ZCCHC4: variants seen among roughly 807,000 people sequenced by gnomAD.
ZCCHC4 encodes the protein zinc finger CCHC-type containing 4.
A neutral mutation model predicts 67.7 loss-of-function variants in ZCCHC4; 54 were observed. The ratio of observed to expected loss-of-function variants is 0.80; its 90% CI spans 0.64 to 1.00. The LOEUF (loss-of-function observed/expected upper bound fraction) is 1.00. Among genes scored for constraint, ZCCHC4 ranks in the 50% least tolerant of loss-of-function variants. ZCCHC4 has a pLI of 0.00. For synonymous variants in ZCCHC4, 198 were observed against 213.5 expected, an observed-to-expected ratio of 0.93 and a Z score of 0.63; for missense variants, 609 against 617.0, an observed-to-expected ratio of 0.99 and a Z score of 0.14.
intron 5 of ZCCHC4, among the ~76,000 whole-genome samples, chr4:25,335,997 G>A (rs747104392): frequency 2.6e-5 from 4 of 152,108 alleles, no homozygotes; most frequent in African/African-American, 9.7e-5. Context: ...ACTTCTTAAA[G>A]ATAAACTCGA....
chr4:25,333,816 C>A, intron 4 of ZCCHC4, 92 bp from the exon 5 acceptor site: 2 of 897,530 alleles, frequency 2.2e-6, no homozygotes, highest in Admixed American at 3.3e-5. Flanking sequence ...ATCATAAATA[C>A]CAGAAGAACA....
At chr4:25,357,057 A>G (rs1720548141) in intron 8 of ZCCHC4, among the ~76,000 whole-genome samples, 1 of 152,184 alleles carries the variant, frequency 6.6e-6, no homozygotes, top group Admixed American at 6.6e-5. Flanking sequence ...TAATAGCTCT[A>G]ATCGTTAGAA....
At chr4:25,366,263 C>A in intron 12 of ZCCHC4, 1 of 884,210 alleles carries the variant, frequency 1.1e-6, no homozygotes. Context: ...CTGAGTAATC[C>A]AGGATAAAGT....
At chr4:25,366,575 C>T (rs959651385) in intron 12 of ZCCHC4, among the ~76,000 whole-genome samples, 5 of 152,114 alleles carry the variant, frequency 3.3e-5, no homozygotes, top group African/African-American at 1.2e-4. Context: ...CTTGGCCTCC[C>T]CAAGTGCTGG....
chr4:25,343,216 TTAGGTTACGGTA>T (rs1183102232), intron 5 of ZCCHC4, among the ~76,000 whole-genome samples: 1 of 152,188 alleles, frequency 6.6e-6, no homozygotes, highest in Non-Finnish European at 1.5e-5. Context: ...GGAAAGTTCA[TTAGGTTACGGTA>T]TATAGTTTAA....
chr4:25,344,942 G>A (rs563374038), intron 5 of ZCCHC4, among the ~76,000 whole-genome samples: 115 of 151,852 alleles, frequency 7.6e-4, no homozygotes, highest in Non-Finnish European at 1.4e-3. Context: ...AGCTGGGACC[G>A]TAGGCATGCA....
intron 3 of ZCCHC4, among the ~76,000 whole-genome samples, chr4:25,324,826 G>A (rs972503516): frequency 5.9e-5 from 9 of 152,070 alleles, no homozygotes; most frequent in African/African-American, 1.7e-4. Flanking sequence ...GACTGTTTTT[G>A]TATTATCTTT....
chr4:25,339,793 C>T (rs897050833), intron 5 of ZCCHC4, among the ~76,000 whole-genome samples: 1 of 151,992 alleles, frequency 6.6e-6, no homozygotes, highest in South Asian at 2.1e-4. Context: ...TTGCCTAATC[C>T]AATGAGTGTC....
intron 3 of ZCCHC4, among the ~76,000 whole-genome samples, chr4:25,329,432 G>A (rs73096478): frequency 0.013 from 1,914 of 146,550 alleles, 42 homozygotes; most frequent in African/African-American, 0.044. Context: ...AAAGCTTTTC[G>A]CTTTAGCCCC....
intron 3 of ZCCHC4, among the ~76,000 whole-genome samples, chr4:25,328,821 G>A (rs554982561): frequency 2.0e-4 from 31 of 152,166 alleles, no homozygotes; most frequent in African/African-American, 7.0e-4. Flanking sequence ...GGGCTCAAGC[G>A]ATCCTCTCAC....
intron 8 of ZCCHC4, among the ~76,000 whole-genome samples, chr4:25,356,399 A>G (rs1577349386): frequency 6.6e-6 from 1 of 152,220 alleles, no homozygotes; most frequent in Admixed American, 6.5e-5. Flanking sequence ...CTCTAGCAGC[A>G]TGCATTTTAC....
intron 12 of ZCCHC4, chr4:25,366,134 T>A (rs1330892871): frequency 1.0e-6 from 1 of 982,478 alleles, no homozygotes; most frequent in Non-Finnish European, 1.2e-6. Flanking sequence ...TCCCATGTGT[T>A]TTATTTATTT....
intron 5 of ZCCHC4, among the ~76,000 whole-genome samples, chr4:25,341,802 C>T (rs981632813): frequency 5.3e-5 from 8 of 152,238 alleles, no homozygotes; most frequent in African/African-American, 1.7e-4. Context: ...AGTAAATTCA[C>T]GTTGTTTGTA....
At chr4:25,342,098 G>A (rs1312483483) in intron 5 of ZCCHC4, among the ~76,000 whole-genome samples, 1 of 152,056 alleles carries the variant, frequency 6.6e-6, no homozygotes, top group Non-Finnish European at 1.5e-5. Context: ...TTTTGATAAC[G>A]TAGTCTGTTA....
At position 25,322,858 on chromosome 4, in the gene ZCCHC4, A is replaced by T. The variant is rs113934981; in HGVS notation, c.329+7458A>T. On this transcript the variant is annotated intron_variant, in intron 3 of 12. Coordinates refer to ENST00000302874, the MANE Select transcript of ZCCHC4 (RefSeq NM_024936.3). The stretch of plus-strand genomic sequence containing the variant: ...GAAAGGGTGAATTTTATGGTACCTG[A>T]ATTGTATCTCAGTTTAAAAAATCTA... Among the ~76,000 whole-genome samples, 1,026 of 152,216 alleles carry T rather than the reference A, an allele frequency of 6.7e-3. 10 individuals are homozygous for T. The highest frequency in any genetic ancestry group is 0.023 in the African/African-American group (963 of 41,530).
rs561913244 is a variant in ZCCHC4 at position 25,352,026 on chromosome 4, C to G, written c.1011+337C>G. 5.9e-6 allele frequency: 6 copies of G among 1,010,426 alleles called. No homozygotes were observed. In the East Asian group the frequency reaches 3.8e-4, roughly 65 times the overall value. The allele number at this position is 1,010,426 out of a possible 1,614,324, so 62.6% of individuals were successfully genotyped here. A position where few individuals can be genotyped will look rare whatever the true frequency, so the allele number is the denominator to read the frequency against. On this transcript the variant is annotated intron_variant, in intron 8 of 12. Transcript: ENST00000302874. ...CATCATCACTAGGAGATTTTGCAGC[C>G]CCCCCACCCCTGGTTCATCATTATG...
chr4:25,318,691 A>G (rs1718411854), intron 3 of ZCCHC4, among the ~76,000 whole-genome samples: 2 of 151,946 alleles, frequency 1.3e-5, no homozygotes, highest in African/African-American at 4.8e-5. Flanking sequence ...GCCAGAGTAT[A>G]TTTTTTTGAT....
intron 3 of ZCCHC4, among the ~76,000 whole-genome samples, chr4:25,330,292 A>AC (rs547437815): frequency 0.017 from 2,528 of 149,600 alleles, 32 homozygotes; most frequent in Non-Finnish European, 0.028. Context: ...TGCCTTGCTG[A>AC]TTTTTTTTTT....
chr4:25,329,447 C>G (rs1192324462), intron 3 of ZCCHC4, among the ~76,000 whole-genome samples: 4 of 149,986 alleles, frequency 2.7e-5, no homozygotes, highest in African/African-American at 9.8e-5. Flanking sequence ...AGCCCCTGAA[C>G]TACTGTTATT....
Sources: gnomAD v4.1 joint callset for allele counts (sites outside exome capture counted in the v4.1 genomes callset) on GRCh38, gnomAD v4.1.1 for gene constraint, MANE v1.5 for transcripts, NCBI Gene and HGNC (gene_info 2026-07-23, HGNC 2026-07-21) for gene names.